Variants in NALF1 observed in about 807,000 individuals in gnomAD.
The protein encoded by NALF1 is NALCN channel auxiliary factor 1.
A neutral mutation model predicts 48.4 loss-of-function variants in NALF1; 3 were observed. The observed-to-expected ratio is 0.06, with a 90% CI of 0.03 to 0.16. The LOEUF (loss-of-function observed/expected upper bound fraction) is 0.16, where lower values mean the gene tolerates loss of function less well. Ranked by LOEUF, NALF1 falls within the 10% of genes least tolerant of loss-of-function variation. The pLI, the probability that NALF1 is intolerant of heterozygous loss-of-function variation, is 1.00. For synonymous variants in NALF1, 262 were observed against 245.7 expected, an observed-to-expected ratio of 1.07 and a Z score of -0.62; for missense variants, 526 against 571.5, an observed-to-expected ratio of 0.92 and a Z score of 0.81.
chr13:107,174,801 T>C (rs1394157117), intron 2 of NALF1, among the ~76,000 whole-genome samples: 1 of 151,184 alleles, frequency 6.6e-6, no homozygotes, highest in African/African-American at 2.4e-5. Context: ...CAGGGTGGAG[T>C]TGTGCATGGA....
rs1880744383 is a variant in NALF1, at chr13:107,866,721, CT to C, written c.-126del. ...CCTCCTCCCGTTTCTTCTCTCTCCT[CT>C]CTCTCTTTCTCTCTCTTCCCCTCTC... On this transcript the variant is annotated 5_prime_UTR_variant, in exon 1 of 3. Transcript: ENST00000375915. This position sits in a 1 kb window ranked among gnomAD's most constrained non-coding sequence, Gnocchi z 4.4. 1 of 296,940 alleles carries C rather than the reference CT, an allele frequency of 3.4e-6. No homozygotes were observed. The highest frequency in any genetic ancestry group is 3.5e-5 in the South Asian group (1 of 28,914). 18.4% of individuals were successfully genotyped at this position (296,940 alleles called of 1,614,324 possible).
At chr13:107,586,634 G>GTTTTTTTTTTTTT (rs1403213630) in intron 1 of NALF1, among the ~76,000 whole-genome samples, 2 of 5,666 alleles carry the variant, frequency 3.5e-4, no homozygotes, top group Admixed American at 2.3e-3. Context: ...CCCCTATGGA[G>GTTTTTTTTTTTTT]ATTTTTTTTT....
intron 1 of NALF1, among the ~76,000 whole-genome samples, chr13:107,605,733 G>A (rs1359813258): frequency 2.0e-5 from 3 of 152,158 alleles, no homozygotes; most frequent in South Asian, 4.1e-4. Context: ...GCTAGACAAG[G>A]GTGTTGCAGA....
intron 1 of NALF1, among the ~76,000 whole-genome samples, chr13:107,570,096 T>C (rs1877941646): frequency 6.6e-6 from 1 of 152,190 alleles, no homozygotes; most frequent in Admixed American, 6.5e-5. Flanking sequence ...AAAGTTGTTT[T>C]AATTGCTGTA....
At chr13:107,511,524 T>C in intron 1 of NALF1, among the ~76,000 whole-genome samples, 1 of 152,150 alleles carries the variant, frequency 6.6e-6, no homozygotes, top group East Asian at 1.9e-4. Context: ...AACAAGATGA[T>C]AATATTTAAC....
intron 1 of NALF1, among the ~76,000 whole-genome samples, chr13:107,449,532 C>T (rs1884706735): frequency 1.3e-5 from 2 of 152,018 alleles, no homozygotes; most frequent in Admixed American, 1.3e-4. Context: ...ATATAGCATG[C>T]CTTTTAAAAA....
At chr13:107,448,552 C>A (rs574700688) in intron 1 of NALF1, among the ~76,000 whole-genome samples, 37 of 152,206 alleles carry the variant, frequency 2.4e-4, no homozygotes, top group African/African-American at 8.2e-4. Flanking sequence ...CAGGAGGGGT[C>A]ATGTCCAGAT....
rs183321158 is a variant in NALF1, at chr13:107,165,318, A to G, written c.*5179T>C. 1 of 152,280 alleles carries G rather than the reference A, an allele frequency of 6.6e-6. No individual in the cohort carries two copies. Among genetic ancestry groups the G allele is most frequent in the East Asian group, 1.9e-4 (1 of 5,178 alleles). The allele number at this position is 152,280 out of a possible 1,614,324, so 9.4% of individuals were successfully genotyped here. ...AGTGATTCTACAAATATCTTGGAGT[A>G]TGAAGAAAATCCATTCAACTCTTCA... On this transcript the variant is annotated 3_prime_UTR_variant, in exon 3 of 3. Coordinates refer to ENST00000375915, the MANE Select transcript of NALF1 (RefSeq NM_001080396.3).
chr13:107,279,698 C>T (rs889843109), intron 1 of NALF1, among the ~76,000 whole-genome samples: 1 of 152,190 alleles, frequency 6.6e-6, no homozygotes, highest in African/African-American at 2.4e-5. Flanking sequence ...ACAAATGCTT[C>T]CTAGTCTTAA....
At chr13:107,756,711 G>A (rs1343969936) in intron 1 of NALF1, among the ~76,000 whole-genome samples, 1 of 152,038 alleles carries the variant, frequency 6.6e-6, no homozygotes, top group African/African-American at 2.4e-5. Flanking sequence ...TGGGTCGGAG[G>A]CCATCCTCCT....
At chr13:107,690,692 G>T (rs1260054361) in intron 1 of NALF1, among the ~76,000 whole-genome samples, 1 of 152,146 alleles carries the variant, frequency 6.6e-6, no homozygotes, top group African/African-American at 2.4e-5. Context: ...CACTTTGAAG[G>T]AGATGGGAGA....
chr13:107,761,724 T>C (rs543091510), intron 1 of NALF1, among the ~76,000 whole-genome samples: 2 of 152,200 alleles, frequency 1.3e-5, no homozygotes, highest in South Asian at 4.1e-4. Context: ...GGAAGTGGGG[T>C]TCCAACACAT....
At chr13:107,201,733 C>A (rs2138795004) in intron 2 of NALF1, among the ~76,000 whole-genome samples, 1 of 152,302 alleles carries the variant, frequency 6.6e-6, no homozygotes, top group East Asian at 1.9e-4. Context: ...TGAAGGTGGA[C>A]TTCCTGGGGC....
At chr13:107,719,957 C>T (rs188090749) in intron 1 of NALF1, among the ~76,000 whole-genome samples, 24 of 152,226 alleles carry the variant, frequency 1.6e-4, no homozygotes, top group African/African-American at 4.8e-4. Context: ...GTTCCCTCTG[C>T]TCATGTTTCT....
chr13:107,337,261 G>A (rs968455377), intron 1 of NALF1, among the ~76,000 whole-genome samples: 8 of 151,988 alleles, frequency 5.3e-5, no homozygotes, highest in African/African-American at 1.9e-4. Context: ...GCATAATTCT[G>A]TTATTTCTTT....
chr13:107,787,032 T>C (rs1878096337), intron 1 of NALF1, among the ~76,000 whole-genome samples: 1 of 152,214 alleles, frequency 6.6e-6, no homozygotes, highest in Admixed American at 6.5e-5. Context: ...TGAGAATGTT[T>C]ATATAATCAT....
At chr13:107,340,060 G>A (rs1376165507) in intron 1 of NALF1, among the ~76,000 whole-genome samples, 1 of 152,056 alleles carries the variant, frequency 6.6e-6, no homozygotes, top group African/African-American at 2.4e-5. Context: ...AATAAAGGTG[G>A]TGCTGACCTG....
At chr13:107,781,269 T>C (rs1877878737) in intron 1 of NALF1, among the ~76,000 whole-genome samples, 2 of 152,198 alleles carry the variant, frequency 1.3e-5, no homozygotes, top group South Asian at 2.1e-4. Flanking sequence ...ATCTTTAACA[T>C]ACTAATCATT....
intron 1 of NALF1, among the ~76,000 whole-genome samples, chr13:107,701,323 C>CGATTTG (rs1881812644): frequency 1.3e-5 from 2 of 152,132 alleles, no homozygotes; most frequent in Admixed American, 6.5e-5. Flanking sequence ...GGAGATCCTG[C>CGATTTG]CATTTGCCAC....
Sources: allele counts gnomAD v4.1 joint callset (sites outside exome capture counted in the v4.1 genomes callset), GRCh38; gene constraint gnomAD v4.1.1; non-coding constraint Gnocchi (gnomAD v3.1); transcripts MANE v1.5; gene names NCBI Gene and HGNC (gene_info 2026-07-23, HGNC 2026-07-21).